Variants in ATF6 observed in about 807,000 individuals in gnomAD.
The protein encoded by ATF6 is activating transcription factor 6.
A neutral mutation model predicts 83.6 loss-of-function variants in ATF6; 53 were observed. That is an observed-to-expected ratio of 0.63 (90% CI 0.51 to 0.80). The LOEUF is 0.80. Ranked by LOEUF, ATF6 falls within the 30% of genes least tolerant of loss-of-function variation. The pLI, the probability that ATF6 is intolerant of heterozygous loss-of-function variation, is 0.00. For missense variants in ATF6, 744 were observed against 797.9 expected, an observed-to-expected ratio of 0.93 and a Z score of 0.81; for synonymous variants, 288 against 285.8, an observed-to-expected ratio of 1.01 and a Z score of -0.08.
intron 10 of ATF6, among the ~76,000 whole-genome samples, chr1:161,851,479 C>A (rs2101825914): frequency 6.6e-6 from 1 of 152,200 alleles, no homozygotes; most frequent in South Asian, 2.1e-4. Context: ...TCGCTTATTC[C>A]AAATTAATTG....
At chr1:161,824,917 A>G (rs1685855347) in intron 9 of ATF6, among the ~76,000 whole-genome samples, 1 of 152,216 alleles carries the variant, frequency 6.6e-6, no homozygotes, top group African/African-American at 2.4e-5. Flanking sequence ...AATTATATGG[A>G]TGTCATATAA....
intron 15 of ATF6, among the ~76,000 whole-genome samples, chr1:161,949,557 C>T (rs1020091630): frequency 6.6e-6 from 1 of 152,166 alleles, no homozygotes; most frequent in African/African-American, 2.4e-5. Context: ...TTATTTAGCT[C>T]ACGGTTCTGC....
intron 14 of ATF6, among the ~76,000 whole-genome samples, chr1:161,874,663 G>A (rs778566719): frequency 6.6e-6 from 1 of 151,580 alleles, no homozygotes; most frequent in Non-Finnish European, 1.5e-5. Flanking sequence ...TTACTTTGAA[G>A]TTCCTTAAAG....
chr1:161,878,901 G>A (rs1156919871), intron 14 of ATF6, among the ~76,000 whole-genome samples: 1 of 152,066 alleles, frequency 6.6e-6, no homozygotes, highest in Non-Finnish European at 1.5e-5. Flanking sequence ...ATTTAAAAAT[G>A]TTTGCCTATA....
intron 15 of ATF6, among the ~76,000 whole-genome samples, chr1:161,933,245 A>G (rs7514053): frequency 0.63 from 95,901 of 152,064 alleles, 32,031 homozygotes; most frequent in Non-Finnish European, 0.75. Context: ...TATATAGAAC[A>G]TTGATATGTA....
At chr1:161,772,748 A>T (rs1684417610) in intron 1 of ATF6, among the ~76,000 whole-genome samples, 1 of 150,302 alleles carries the variant, frequency 6.7e-6, no homozygotes, top group Admixed American at 6.7e-5. Context: ...TCTAGATAGT[A>T]CTCTAGCTAG....
chr1:161,818,335 T>G (rs1002822417), intron 7 of ATF6, among the ~76,000 whole-genome samples: 2 of 152,192 alleles, frequency 1.3e-5, no homozygotes, highest in Admixed American at 1.3e-4. Context: ...GACTAATGTA[T>G]AACAATAGGC....
intron 7 of ATF6, among the ~76,000 whole-genome samples, chr1:161,803,093 A>G (rs142192919): frequency 1.6e-4 from 25 of 152,348 alleles, no homozygotes; most frequent in African/African-American, 6.0e-4. Context: ...TGTTAATATT[A>G]CTACTTCATC....
chr1:161,808,171 C>T (rs1685351112), intron 7 of ATF6, among the ~76,000 whole-genome samples: 1 of 151,864 alleles, frequency 6.6e-6, no homozygotes, highest in Non-Finnish European at 1.5e-5. Flanking sequence ...TGAGCCACTG[C>T]GCCCAGCAGT....
chr1:161,897,528 T>C (rs961177785), intron 14 of ATF6, among the ~76,000 whole-genome samples: 1 of 152,208 alleles, frequency 6.6e-6, no homozygotes, highest in Non-Finnish European at 1.5e-5. Context: ...AGATTTGTCA[T>C]GGCTGCTGCT....
At chr1:161,864,323 T>TAG (rs1686946760) in intron 14 of ATF6, among the ~76,000 whole-genome samples, 1 of 152,220 alleles carries the variant, frequency 6.6e-6, no homozygotes, top group Non-Finnish European at 1.5e-5. Flanking sequence ...GGCCAACTTT[T>TAG]CACACATGTA....
intron 12 of ATF6, 114 bp downstream of exon 12, chr1:161,853,437 A>T: frequency 1.3e-6 from 1 of 766,776 alleles, no homozygotes; most frequent in Non-Finnish European, 2.3e-6. Context: ...GCCTCTTCCC[A>T]CTGTCTCCTG....
chr1:161,866,494 T>C (rs1394148107), intron 14 of ATF6, among the ~76,000 whole-genome samples: 1 of 152,228 alleles, frequency 6.6e-6, no homozygotes, highest in African/African-American at 2.4e-5. Flanking sequence ...TTCTGTTCTT[T>C]TGACTCTCCT....
At position 161,953,169 on chromosome 1, in the gene ATF6, A is replaced by G. The variant is rs967529132; in HGVS notation, c.1805-5277A>G. 1.3e-4 allele frequency among the ~76,000 whole-genome samples: 20 copies of G among 152,182 alleles called. 1 individual carries two copies. The highest frequency in any genetic ancestry group is 4.6e-4 in the African/African-American group (19 of 41,454). ...AATTTAGGGTATATTAAACTCATGT[A>G]AAAGTACTTTATATTTAAATTTAAA... On this transcript the variant is annotated intron_variant, in intron 15 of 15. Transcript: ENST00000367942.
intron 4 of ATF6, among the ~76,000 whole-genome samples, chr1:161,787,869 A>G (rs1021331655): frequency 6.6e-6 from 1 of 152,318 alleles, no homozygotes; most frequent in Non-Finnish European, 1.5e-5. Context: ...TGTAAATGGC[A>G]TTATAGTAGA....
chr1:161,913,642 G>T (rs1026259278), intron 15 of ATF6, among the ~76,000 whole-genome samples: 2 of 152,098 alleles, frequency 1.3e-5, no homozygotes, highest in Admixed American at 6.6e-5. Flanking sequence ...CTTCAGTAAA[G>T]ACATACCTTT....
intron 9 of ATF6, among the ~76,000 whole-genome samples, chr1:161,827,657 A>AT (rs1450287516): frequency 5.4e-5 from 8 of 149,288 alleles, no homozygotes; most frequent in South Asian, 2.1e-4. Flanking sequence ...TGAAAAAAAA[A>AT]AAATAAAACA....
At chr1:161,931,668 T>G (rs1227101169) in intron 15 of ATF6, among the ~76,000 whole-genome samples, 1 of 152,208 alleles carries the variant, frequency 6.6e-6, no homozygotes, top group East Asian at 1.9e-4. Flanking sequence ...ACTGGCCATT[T>G]GTATATCTTC....
intron 9 of ATF6, among the ~76,000 whole-genome samples, chr1:161,836,376 T>C (rs1686215766): frequency 2.0e-5 from 3 of 152,212 alleles, no homozygotes; most frequent in Admixed American, 2.0e-4. Context: ...TACACGGTTT[T>C]GTTCAGCCAG....
Sources: allele counts gnomAD v4.1 joint callset (sites outside exome capture counted in the v4.1 genomes callset), GRCh38; gene constraint gnomAD v4.1.1; transcripts MANE v1.5; gene names NCBI Gene and HGNC (gene_info 2026-07-23, HGNC 2026-07-21).